The following POU2F2 variants were observed in gnomAD, a reference collection of about 807,000 sequenced individuals.
POU2F2 encodes POU domain, class 2, transcription factor 2.
POU2F2 carries 14 observed loss-of-function variants against 63.5 expected under a neutral mutation model. The observed-to-expected ratio is 0.22, with a 90% CI of 0.15 to 0.34. The LOEUF is 0.34. POU2F2 is among the 10% of genes least tolerant of loss of function. POU2F2 has a pLI of 1.00. For missense variants in POU2F2, 607 were observed against 815.2 expected (o/e 0.74, Z 3.11); for synonymous variants, 306 against 348.6 (o/e 0.88, Z 1.36).
At chr19:42,099,461 C>T (rs778537633) in intron 7 of POU2F2, 66 bp downstream of exon 7, 18 of 1,413,920 alleles carry the variant, frequency 1.3e-5, no homozygotes, top group Middle Eastern at 1.8e-4. Context: ...CCCCCACCCC[C>T]GTTTACCCAG....
intron 5 of POU2F2, among the ~76,000 whole-genome samples, chr19:42,103,335 T>C (rs1254923283): frequency 6.6e-6 from 1 of 152,220 alleles, no homozygotes; most frequent in Non-Finnish European, 1.5e-5. Context: ...CTTGACTGTT[T>C]CAGTCACTGC....
intron 1 of POU2F2, among the ~76,000 whole-genome samples, chr19:42,183,685 G>A (rs904926472): frequency 6.6e-6 from 1 of 152,160 alleles, no homozygotes; most frequent in Non-Finnish European, 1.5e-5. Context: ...CCAAGAGGAG[G>A]TGGATGGGGC....
At chr19:42,107,094 T>C (rs1235585433) in intron 5 of POU2F2, among the ~76,000 whole-genome samples, 2 of 151,878 alleles carry the variant, frequency 1.3e-5, no homozygotes, top group Non-Finnish European at 2.9e-5. Context: ...ATGCCTGTAA[T>C]CCCAGCATTT....
rs371889357 is a variant in POU2F2 at position 42,186,567 on chromosome 19, G to A, written c.-70+9816C>T. Among the ~76,000 whole-genome samples, 20 of 152,026 alleles carry A rather than the reference G, an allele frequency of 1.3e-4. No individual in the cohort carries two copies. The East Asian group carries it at 2.7e-3, about 21-fold the overall frequency. Reference sequence around the variant, plus strand: ...TTGATCTAGGAGGCCATGGGGAGCCGCTGATGGGTTTTCATCAAGAGCAGC... The same window carrying A: ...TTGATCTAGGAGGCCATGGGGAGCCACTGATGGGTTTTCATCAAGAGCAGC... On this transcript the variant is annotated intron_variant, in intron 1 of 5. Transcript: ENST00000532176.
chr19:42,142,115 C>T (rs2034140352), intron 2 of POU2F2, among the ~76,000 whole-genome samples: 1 of 152,150 alleles, frequency 6.6e-6, no homozygotes, highest in Admixed American at 6.5e-5. Flanking sequence ...TATGGGCGTA[C>T]AAGTATTAAG....
intron 5 of POU2F2, among the ~76,000 whole-genome samples, chr19:42,103,392 C>T (rs1215780040): frequency 1.3e-5 from 2 of 152,176 alleles, no homozygotes; most frequent in East Asian, 3.8e-4. Context: ...GTAGGTGTTC[C>T]ACATAGATAT....
chr19:42,094,213 G>A (rs948558073), intron 11 of POU2F2, among the ~76,000 whole-genome samples: 28 of 152,142 alleles, frequency 1.8e-4, no homozygotes, highest in African/African-American at 6.3e-4. Context: ...TCCTGATATT[G>A]TTGGTTCTGC....
upstream of POU2F2, among the ~76,000 whole-genome samples, chr19:42,197,684 G>A (rs936274329): frequency 6.6e-6 from 1 of 152,184 alleles, no homozygotes; most frequent in Non-Finnish European, 1.5e-5. Context: ...CCACAGAACA[G>A]CAGGAGGAAG....
chr19:42,152,301 G>A lies in POU2F2; in HGVS notation c.-9+8031C>T, dbSNP rs527704059. On this transcript the variant is annotated intron_variant, in intron 2 of 6. Transcript: ENST00000524801. The surrounding 1 kb of genome is among the most constrained non-coding windows in gnomAD (Gnocchi z 4.1). Reference sequence around the variant, plus strand: ...GAGAGGGCCGCAGCGAAGAAGAAGAGGGGGAGAATAAGGCGGGCCTCTTTT... The same window carrying A: ...GAGAGGGCCGCAGCGAAGAAGAAGAAGGGGAGAATAAGGCGGGCCTCTTTT... 6.6e-6 allele frequency among the ~76,000 whole-genome samples: 1 copy of A among 152,146 alleles called. No homozygotes were observed. The highest frequency in any genetic ancestry group is 1.9e-4 in the East Asian group (1 of 5,196).
At position 42,087,625 on chromosome 19, in the gene POU2F2, A is replaced by G. The variant is rs1339131888; in HGVS notation, c.*3632T>C. The G allele has an allele frequency of 4.0e-5, 6 of 150,456 alleles. No homozygotes were observed. In the East Asian group the frequency reaches 1.2e-3, roughly 29 times the overall value. 9.3% of individuals were successfully genotyped at this position (150,456 alleles called of 1,614,324 possible). The stretch of plus-strand genomic sequence containing the variant: ...TTTTTTTTTTTTTTGGCACAATGAA[A>G]AGGCCCACCATTAGGGTAGACCCAG... On this transcript the variant is annotated 3_prime_UTR_variant, in exon 15 of 15. Transcript: ENST00000692977.
At chr19:42,171,036 G>A (rs1009838511) in intron 1 of POU2F2, among the ~76,000 whole-genome samples, 6 of 152,240 alleles carry the variant, frequency 3.9e-5, no homozygotes, top group East Asian at 3.8e-4. Flanking sequence ...AGAACCGTCC[G>A]GACCAATGGA....
rs562881922 is a variant in POU2F2, at chr19:42,090,135, G to A, written c.*1122C>T. On this transcript the variant is annotated 3_prime_UTR_variant, in exon 15 of 15. Coordinates refer to ENST00000692977, the MANE Select transcript of POU2F2 (RefSeq NM_001394376.1). This position sits in a 1 kb window ranked among gnomAD's most constrained non-coding sequence, Gnocchi z 4.4. ...GCACAGGGTGGGAAAAGCGAGGTGAGTTCTCTTTTTGGTTTCTGGTTAATG... is the reference window on the plus strand; with the variant it reads ...GCACAGGGTGGGAAAAGCGAGGTGAATTCTCTTTTTGGTTTCTGGTTAATG... The A allele has an allele frequency of 2.0e-5, 3 of 152,636 alleles. No homozygotes were observed. The highest frequency in any genetic ancestry group is 2.9e-5 in the Non-Finnish European group (2 of 68,050). 9.5% of individuals were successfully genotyped at this position (152,636 alleles called of 1,614,324 possible).
intron 1 of POU2F2, among the ~76,000 whole-genome samples, chr19:42,128,572 G>C (rs566391490): frequency 6.6e-6 from 1 of 152,260 alleles, no homozygotes; most frequent in South Asian, 2.1e-4. Flanking sequence ...TTTCCACCAG[G>C]AATGAACAGG....
At chr19:42,190,325 A>G (rs2035062417) in intron 1 of POU2F2, among the ~76,000 whole-genome samples, 1 of 152,132 alleles carries the variant, frequency 6.6e-6, no homozygotes, top group South Asian at 2.1e-4. Flanking sequence ...ATATATATAT[A>G]TATGTTTGAT....
intron 5 of POU2F2, among the ~76,000 whole-genome samples, chr19:42,104,844 C>T (rs971507931): frequency 2.0e-5 from 3 of 152,128 alleles, no homozygotes; most frequent in East Asian, 1.9e-4. Flanking sequence ...CCCTGCTTTT[C>T]GACAGCTGAA....
intron 1 of POU2F2, among the ~76,000 whole-genome samples, chr19:42,164,222 G>A (rs1480745953): frequency 6.6e-6 from 1 of 151,546 alleles, no homozygotes; most frequent in African/African-American, 2.4e-5. Context: ...AACCCAGGAG[G>A]TGGAGGTTGC....
intron 1 of POU2F2, among the ~76,000 whole-genome samples, chr19:42,182,224 A>G (rs1599727474): frequency 6.7e-6 from 1 of 148,924 alleles, no homozygotes; most frequent in African/African-American, 2.5e-5. Context: ...TGGGCGATAG[A>G]GCAAGACTCT....
intron 1 of POU2F2, among the ~76,000 whole-genome samples, chr19:42,194,613 G>A (rs2035109488): frequency 6.6e-6 from 1 of 151,610 alleles, no homozygotes; most frequent in South Asian, 2.1e-4. Context: ...ATAAAAATTA[G>A]CCGAGTATGG....
rs114231591 is a variant in POU2F2, at chr19:42,132,174, T to C, written c.28+210A>G. Among the ~76,000 whole-genome samples, 463 of 151,990 alleles carry C rather than the reference T, an allele frequency of 3.0e-3. 4 individuals carry two copies. The highest frequency in any genetic ancestry group is 0.011 in the African/African-American group (443 of 41,442). ...ACAGGGCAACAGAGAAGAGAAGATG[T>C]TGGAAGTTCCGGTGCCTGATGTGGA... is the stretch of plus-strand genomic sequence containing the variant. On this transcript the variant is annotated intron_variant, in intron 1 of 14. Coordinates refer to ENST00000692977, the MANE Select transcript of POU2F2 (RefSeq NM_001394376.1).
Sources: gnomAD v4.1 joint callset for allele counts (sites outside exome capture counted in the v4.1 genomes callset) on GRCh38, gnomAD v4.1.1 for gene constraint, Gnocchi (gnomAD v3.1) non-coding constraint, MANE v1.5 for transcripts, NCBI Gene and HGNC (gene_info 2026-07-23, HGNC 2026-07-21) for gene names.